The following DEFB112 variants were observed in gnomAD, a reference collection of about 807,000 sequenced individuals.
DEFB112 encodes the protein beta-defensin 112.
A neutral mutation model predicts 1.1 loss-of-function variants in DEFB112; 2 were observed. That is an observed-to-expected ratio of 1.85 (90% CI 0.76 to 5.83). The LOEUF (loss-of-function observed/expected upper bound fraction) is 5.83, where lower values mean the gene tolerates loss of function less well. Ranked by LOEUF, DEFB112 falls within the 30% of genes most tolerant of loss-of-function variation. The pLI is 0.05. For synonymous variants in DEFB112, 40 were observed against 31.2 expected, an observed-to-expected ratio of 1.28 and a Z score of -0.93; for missense variants, 120 against 94.4, an observed-to-expected ratio of 1.27 and a Z score of -1.12.
intron 1 of DEFB112, among the ~76,000 whole-genome samples, chr6:50,048,929 C>G (rs899219282): frequency 6.6e-6 from 1 of 151,996 alleles, no homozygotes; most frequent in African/African-American, 2.4e-5. Context: ...CAAATGCTAG[C>G]TATTAAAATC....
rs553180774 is a variant in DEFB112, at chr6:50,042,963, T to G, written c.*612A>C. Among the ~76,000 whole-genome samples the G allele has an allele frequency of 1.4e-4, 22 of 152,052 alleles. No homozygotes were observed. Among genetic ancestry groups the G allele is most frequent in the Non-Finnish European group, 2.6e-4 (18 of 67,952 alleles). On this transcript the variant is annotated 3_prime_UTR_variant, in exon 2 of 2. Transcript: ENST00000651554. Reference sequence around the variant, plus strand: ...AAAAAAGTTAATCATAATTTCACATTATCGTTATTGCCACAAGCTACAGGG... The same window carrying G: ...AAAAAAGTTAATCATAATTTCACATGATCGTTATTGCCACAAGCTACAGGG...
chr6:50,046,704 T>G (rs1261292137), intron 1 of DEFB112, among the ~76,000 whole-genome samples: 1 of 152,196 alleles, frequency 6.6e-6, no homozygotes, highest in Non-Finnish European at 1.5e-5. Flanking sequence ...TATTCTAGAT[T>G]TAAGCCCTTT....
chr6:50,044,472 A>T (rs965284317), intron 1 of DEFB112, among the ~76,000 whole-genome samples: 3 of 152,080 alleles, frequency 2.0e-5, no homozygotes, highest in Admixed American at 1.3e-4. Context: ...GAAAATTTTT[A>T]AAAATGTCTC....
intron 1 of DEFB112, chr6:50,048,495 G>T: frequency 1.3e-6 from 2 of 1,507,584 alleles, no homozygotes; most frequent in South Asian, 2.3e-5. Flanking sequence ...AAAAAGTATT[G>T]ATTAAAATGT....
rs1774773751 is a variant in DEFB112 at position 50,043,192 on chromosome 6, T to G, written c.*383A>C. ...AATTTCTTGCAACGATTTTTACTAG[T>G]TCAGGGGTCACATCTCTTATCAACT... On this transcript the variant is annotated 3_prime_UTR_variant, in exon 2 of 2. Transcript: ENST00000651554. 6.6e-6 allele frequency among the ~76,000 whole-genome samples: 1 copy of G among 152,044 alleles called. No homozygotes were observed. The highest frequency in any genetic ancestry group is 6.6e-5 in the Admixed American group (1 of 15,246).
In DEFB112 at chr6:50,043,685, G is replaced by T; in HGVS notation, c.175C>A (p.Pro59Thr). 6.2e-7 allele frequency: 1 copy of T among 1,613,538 alleles called. No homozygotes were observed. Among genetic ancestry groups the T allele is most frequent in the Non-Finnish European group, 8.5e-7 (1 of 1,179,594 alleles). The change falls in exon 2 of 2, where the codon CCT becomes ACT. Residue 59 changes from proline to threonine, a missense_variant. Pro to Thr is a conservative substitution (Grantham distance 38, BLOSUM62 -1). Transcript: ENST00000651554. ...SEFRISYCAR[P>T]TTHCCVTECD... ...TCTGTCACGCAGCAATGAGTTGTAGGTCTTGCACAGTATGAAATCCTAAAT... is the reference window on the plus strand; with the variant it reads ...TCTGTCACGCAGCAATGAGTTGTAGTTCTTGCACAGTATGAAATCCTAAAT...
At chr6:50,047,152 A>G (rs1440259469) in intron 1 of DEFB112, among the ~76,000 whole-genome samples, 1 of 152,156 alleles carries the variant, frequency 6.6e-6, no homozygotes, top group Non-Finnish European at 1.5e-5. Context: ...TGGGGCTTGA[A>G]CTAGCACTAG....
At chr6:50,049,485 C>A (rs1053928115) in intron 1 of DEFB112, among the ~76,000 whole-genome samples, 1 of 152,032 alleles carries the variant, frequency 6.6e-6, no homozygotes, top group African/African-American at 2.4e-5. Flanking sequence ...ATTAATAGAT[C>A]AAATTCAGTT....
At position 50,046,834 on chromosome 6, in the gene DEFB112, G is replaced by A. The variant is rs1445313331; in HGVS notation, c.58+2978C>T. 9.2e-5 allele frequency among the ~76,000 whole-genome samples: 14 copies of A among 152,236 alleles called. No individual in the cohort carries two copies. In the East Asian group the frequency reaches 2.7e-3, roughly 29 times the overall value. ...GGTAAAGTGGTGTAATGGACAAGAG[G>A]GAAGAACCTTTAAAGGCTATGGGTC... On this transcript the variant is annotated intron_variant, in intron 1 of 1. Coordinates refer to ENST00000651554, the MANE Select transcript of DEFB112 (RefSeq NM_001369057.2).
chr6:50,043,593 A>G lies in DEFB112; in HGVS notation c.267T>C (p.Pro89=). 1 of 1,613,120 alleles carries G rather than the reference A, an allele frequency of 6.2e-7. No individual in the cohort carries two copies. The highest frequency in any genetic ancestry group is 8.5e-7 in the Non-Finnish European group (1 of 1,179,426). Residue 89 remains proline, a synonymous_variant, in exon 2 of 2, where the codon CCT becomes CCC. Coordinates refer to ENST00000651554, the MANE Select transcript of DEFB112 (RefSeq NM_001369057.2). ...GATTTCTTCAATGACGTGAGTCTTT[A>G]GGGTACCATTCTTGAGTCCCTACTG... ...KDSVGTQEWY[P]KDSRH is the part of the protein sequence containing the mutation.
chr6:50,047,977 C>G (rs1774862771), intron 1 of DEFB112, among the ~76,000 whole-genome samples: 1 of 151,878 alleles, frequency 6.6e-6, no homozygotes, highest in Non-Finnish European at 1.5e-5. Flanking sequence ...GAAACCCTGT[C>G]TCTACTAAAA....
rs967682100 is a variant in DEFB112, at chr6:50,042,928, A to C, written c.*647T>G. On this transcript the variant is annotated 3_prime_UTR_variant, in exon 2 of 2. Coordinates refer to ENST00000651554, the MANE Select transcript of DEFB112 (RefSeq NM_001369057.2). ...AAACATTAAAAACATGAAACAAAGCAAAACAAAACAAAAAAGTTAATCATA... is the reference window on the plus strand; with the variant it reads ...AAACATTAAAAACATGAAACAAAGCCAAACAAAACAAAAAAGTTAATCATA... 1.3e-5 allele frequency among the ~76,000 whole-genome samples: 2 copies of C among 152,112 alleles called. No individual in the cohort carries two copies. Among genetic ancestry groups the C allele is most frequent in the Non-Finnish European group, 2.9e-5 (2 of 67,986 alleles).
At position 50,043,667 on chromosome 6, in the gene DEFB112, C is replaced by G; in HGVS notation, c.193G>C (p.Val65Leu). Reference sequence around the variant, plus strand: ...GGGTCCGTAGGGTCACATTCTGTCACGCAGCAATGAGTTGTAGGTCTTGCA... The same window carrying G: ...GGGTCCGTAGGGTCACATTCTGTCAGGCAGCAATGAGTTGTAGGTCTTGCA... ...YCARPTTHCCVTECDPTDPNN... is the reference protein window; with the variant it reads ...YCARPTTHCCLTECDPTDPNN... The change falls in exon 2 of 2, where the codon GTG (valine) becomes CTG (leucine). Residue 65 changes from valine to leucine, a missense_variant. Transcript: ENST00000651554. 3 of 1,613,522 alleles carry G rather than the reference C, an allele frequency of 1.9e-6. No individual in the cohort carries two copies. The highest frequency in any genetic ancestry group is 1.7e-6 in the Non-Finnish European group (2 of 1,179,586).
Position 50,043,479 on chromosome 6 carries a change from A to T in DEFB112, c.*96T>A. 1 of 762,174 alleles carries T rather than the reference A, an allele frequency of 1.3e-6. No homozygotes were observed. The highest frequency in any genetic ancestry group is 2.2e-6 in the Non-Finnish European group (1 of 455,458). 47.2% of individuals were successfully genotyped at this position (762,174 alleles called of 1,614,324 possible). On this transcript the variant is annotated 3_prime_UTR_variant, in exon 2 of 2. Coordinates refer to ENST00000651554, the MANE Select transcript of DEFB112 (RefSeq NM_001369057.2). ...TTTTATTTAATTATTTATTCATTATAGGTATGCATGCATGGAAATTATAGG... is the reference window on the plus strand; with the variant it reads ...TTTTATTTAATTATTTATTCATTATTGGTATGCATGCATGGAAATTATAGG...
rs201794690 is a variant in DEFB112, at chr6:50,043,739, G to C, written c.121C>G (p.Arg41Gly). The change falls in exon 2 of 2, where the codon CGA becomes GGA. Residue 41 changes from arginine to glycine, a missense_variant. Transcript: ENST00000651554. The stretch of plus-strand genomic sequence containing the variant: ...CTATCATCACATTGATTTTTACATC[G>C]ACCTCCAATCGCTGTACATGACTTC... ...RWKSCTAIGG[R>G]CKNQCDDSEF... 6.2e-7 allele frequency: 1 copy of C among 1,613,180 alleles called. No homozygotes were observed. Among genetic ancestry groups the C allele is most frequent in the Admixed American group, 1.7e-5 (1 of 59,928 alleles).
chr6:50,044,545 T>A (rs1774802933), intron 1 of DEFB112, among the ~76,000 whole-genome samples: 1 of 152,226 alleles, frequency 6.6e-6, no homozygotes, highest in South Asian at 2.1e-4. Context: ...AGGAATGATG[T>A]ATGTACCTAG....
At position 50,042,815 on chromosome 6, in the gene DEFB112, T is replaced by C. The variant is rs185785052; in HGVS notation, c.*760A>G. Among the ~76,000 whole-genome samples, 23 of 152,142 alleles carry C rather than the reference T, an allele frequency of 1.5e-4. No individual in the cohort carries two copies. The highest frequency in any genetic ancestry group is 3.4e-3 in the Middle Eastern group (1 of 294). On this transcript the variant is annotated 3_prime_UTR_variant, in exon 2 of 2. Coordinates refer to ENST00000651554, the MANE Select transcript of DEFB112 (RefSeq NM_001369057.2). ...ATGTGTGAGCATGCATACACACATA[T>C]ATAATTCTGTTACATTATTTTTTAA...
chr6:50,046,896 T>G (rs1774844540), intron 1 of DEFB112, among the ~76,000 whole-genome samples: 1 of 152,100 alleles, frequency 6.6e-6, no homozygotes, highest in Admixed American at 6.5e-5. Context: ...GAGCCTAGGG[T>G]TACATGAGCT....
rs750064339 is a variant in DEFB112, at chr6:50,043,761, C to G, written c.99G>C (p.Lys33Asn). ...ATCGACCTCCAATCGCTGTACATGA[C>G]TTCCACCTACTAAAGGTGATATGGT... is the stretch of plus-strand genomic sequence containing the variant. ...EGHHITFSRW[K>N]SCTAIGGRCK... is the part of the protein sequence containing the mutation. The change falls in exon 2 of 2, where the codon AAG becomes AAC. Residue 33 changes from lysine to asparagine, a missense_variant. Lys to Asn is a moderately conservative substitution (Grantham distance 94). Coordinates refer to ENST00000651554, the MANE Select transcript of DEFB112 (RefSeq NM_001369057.2). 19 of 1,613,348 alleles carry G rather than the reference C, an allele frequency of 1.2e-5. No homozygotes were observed. The highest frequency in any genetic ancestry group is 1.6e-5 in the Non-Finnish European group (19 of 1,179,510).
Sources: allele counts gnomAD v4.1 joint callset (sites outside exome capture counted in the v4.1 genomes callset), GRCh38; gene constraint gnomAD v4.1.1; transcripts MANE v1.5; gene names NCBI Gene and HGNC (gene_info 2026-07-23, HGNC 2026-07-21).